Variants in UNC13C observed in about 807,000 individuals in gnomAD.
UNC13C encodes unc-13 homolog C, also known as protein unc-13 homolog C.
A neutral mutation model predicts 245.4 loss-of-function variants in UNC13C; 174 were observed. The ratio of observed to expected loss-of-function variants is 0.71; its 90% CI spans 0.63 to 0.80. The LOEUF (loss-of-function observed/expected upper bound fraction) is 0.80. Among genes scored for constraint, UNC13C ranks in the 30% least tolerant of loss-of-function variants. The pLI, the probability that UNC13C is intolerant of heterozygous loss-of-function variation, is 0.00. For missense variants in UNC13C, 2,829 were observed against 2,602.9 expected (o/e 1.09, Z -1.89); for synonymous variants, 992 against 895.1 (o/e 1.11, Z -1.93).
chr15:54,329,592 C>A (rs2038387912), intron 14 of UNC13C, among the ~76,000 whole-genome samples: 1 of 152,000 alleles, frequency 6.6e-6, no homozygotes, highest in Non-Finnish European at 1.5e-5. Context: ...TAGGCTTGCT[C>A]TGCTCTGCAA....
chr15:54,618,548 C>G (rs934881038), intron 30 of UNC13C, among the ~76,000 whole-genome samples: 2 of 143,256 alleles, frequency 1.4e-5, no homozygotes, highest in African/African-American at 5.4e-5. Flanking sequence ...GAGCAAATAA[C>G]TAGTCAATTG....
the UNC13C span, among the ~76,000 whole-genome samples, chr15:53,847,325 G>A: frequency 6.6e-6 from 1 of 151,712 alleles, no homozygotes; most frequent in South Asian, 2.1e-4. Context: ...AAAGGTTATA[G>A]AGTATGAACT....
Position 54,467,142 on chromosome 15 carries a change from T to A in UNC13C, c.4934-27466T>A, listed in dbSNP as rs375742146. Among the ~76,000 whole-genome samples, 7 of 151,966 alleles carry A rather than the reference T, an allele frequency of 4.6e-5. 1 individual carries two copies. Among genetic ancestry groups the A allele is most frequent in the East Asian group, 1.9e-4 (1 of 5,184 alleles). On this transcript the variant is annotated intron_variant, in intron 19 of 32. Transcript: ENST00000260323. ...CTATATTTTAAACAAGGACTGGAAATACAGCTGTGAACAAGATAGACATGG... is the reference window on the plus strand; with the variant it reads ...CTATATTTTAAACAAGGACTGGAAAAACAGCTGTGAACAAGATAGACATGG...
chr15:54,097,072 C>T (rs1250174205), intron 2 of UNC13C, among the ~76,000 whole-genome samples: 2 of 152,158 alleles, frequency 1.3e-5, no homozygotes, highest in East Asian at 3.9e-4. Context: ...CCTTTCCCTT[C>T]TCCAAATGCC....
chr15:54,145,706 G>A (rs888855881), intron 4 of UNC13C, among the ~76,000 whole-genome samples: 27 of 152,148 alleles, frequency 1.8e-4, no homozygotes, highest in African/African-American at 5.6e-4. Flanking sequence ...TTGGGACATC[G>A]TGTCATGCAC....
At chr15:54,473,218 AT>A (rs1555470486) in intron 19 of UNC13C, among the ~76,000 whole-genome samples, 5 of 133,450 alleles carry the variant, frequency 3.7e-5, no homozygotes, top group Non-Finnish European at 8.4e-5. Context: ...ATTTTATTTT[AT>A]TTTATTTTAT....
At chr15:54,468,845 A>G (rs1892311042) in intron 19 of UNC13C, among the ~76,000 whole-genome samples, 1 of 151,602 alleles carries the variant, frequency 6.6e-6, no homozygotes, top group South Asian at 2.1e-4. Flanking sequence ...TTGGTTTATT[A>G]TAGCTTTGTA....
At chr15:54,304,279 G>A (rs2037665144) in intron 13 of UNC13C, among the ~76,000 whole-genome samples, 1 of 152,126 alleles carries the variant, frequency 6.6e-6, no homozygotes, top group Non-Finnish European at 1.5e-5. Flanking sequence ...TCTAAGGAGT[G>A]AAAACAAGGC....
At chr15:53,845,466 TCCTACTTTG>T in the UNC13C span, among the ~76,000 whole-genome samples, 1 of 152,248 alleles carries the variant, frequency 6.6e-6, no homozygotes, top group East Asian at 1.9e-4. Context: ...AACACAGCCC[TCCTACTTTG>T]CCTACAGCCT....
intron 20 of UNC13C, among the ~76,000 whole-genome samples, chr15:54,496,775 A>G (rs1394766553): frequency 1.3e-5 from 2 of 151,852 alleles, no homozygotes; most frequent in Admixed American, 1.3e-4. Flanking sequence ...ATGAAGAAGC[A>G]AAGAGGCATG....
At chr15:54,236,526 G>A in intron 6 of UNC13C, 91 bp downstream of exon 6, 1 of 990,886 alleles carries the variant, frequency 1.0e-6, no homozygotes, top group Non-Finnish European at 1.5e-6. Context: ...GGCAAGAATG[G>A]AGAAATGAAA....
At chr15:54,073,936 G>T (rs1431109004) in intron 2 of UNC13C, among the ~76,000 whole-genome samples, 1 of 151,936 alleles carries the variant, frequency 6.6e-6, no homozygotes, top group East Asian at 1.9e-4. Context: ...TGGTGTTTTA[G>T]TCATGAAGTC....
At chr15:54,204,074 T>G (rs1473797374) in intron 4 of UNC13C, among the ~76,000 whole-genome samples, 2 of 151,554 alleles carry the variant, frequency 1.3e-5, no homozygotes, top group Non-Finnish European at 2.9e-5. Context: ...ATGTTCTCAG[T>G]CATATGTGGG....
At chr15:54,505,277 G>T (rs1285028382) in intron 22 of UNC13C, among the ~76,000 whole-genome samples, 1 of 152,120 alleles carries the variant, frequency 6.6e-6, no homozygotes, top group Non-Finnish European at 1.5e-5. Context: ...GGCCTTGCCA[G>T]GTGCCCCGTC....
intron 2 of UNC13C, among the ~76,000 whole-genome samples, chr15:54,138,121 C>A (rs2031826330): frequency 6.6e-6 from 1 of 151,984 alleles, no homozygotes; most frequent in South Asian, 2.1e-4. Context: ...TTCTAAAATT[C>A]TTCCTGTTAT....
intron 4 of UNC13C, among the ~76,000 whole-genome samples, chr15:54,217,047 G>A (rs16974318): frequency 0.056 from 8,496 of 152,074 alleles, 828 homozygotes; most frequent in African/African-American, 0.19. Flanking sequence ...AACAGTTAAG[G>A]TATCTAGGAG....
upstream of UNC13C, among the ~76,000 whole-genome samples, chr15:53,977,378 A>G (rs958867891): frequency 6.6e-5 from 10 of 152,150 alleles, no homozygotes; most frequent in Non-Finnish European, 1.5e-4. Context: ...TTTGATGGCA[A>G]CTATTATTAT....
chr15:54,425,183 G>T (rs748678127), intron 19 of UNC13C, among the ~76,000 whole-genome samples: 3 of 151,758 alleles, frequency 2.0e-5, no homozygotes, highest in Non-Finnish European at 4.4e-5. Context: ...TCACTAGAAT[G>T]AGTAGAAACA....
intron 25 of UNC13C, among the ~76,000 whole-genome samples, chr15:54,528,632 C>T (rs1895596365): frequency 6.6e-6 from 1 of 151,708 alleles, no homozygotes; most frequent in African/African-American, 2.4e-5. Flanking sequence ...CAGTCTGTCC[C>T]CCCACCCCAA....
Sources: gnomAD v4.1 joint callset for allele counts (sites outside exome capture counted in the v4.1 genomes callset) on GRCh38, gnomAD v4.1.1 for gene constraint, MANE v1.5 for transcripts, NCBI Gene and HGNC (gene_info 2026-07-23, HGNC 2026-07-21) for gene names.